Variants in ZFTA observed in about 807,000 individuals in gnomAD.
The protein encoded by ZFTA is zinc finger translocation associated.
Under a neutral mutation model 41.8 loss-of-function variants are expected in ZFTA, and 35 were observed. That is an observed-to-expected ratio of 0.84 (90% confidence interval 0.64 to 1.11). The LOEUF (loss-of-function observed/expected upper bound fraction) is 1.11. ZFTA is among the 50% of genes most tolerant of loss of function. ZFTA has a pLI of 0.00. For missense variants in ZFTA, 964 were observed against 989.8 expected (o/e 0.97, Z 0.35); for synonymous variants, 514 against 436.4 (o/e 1.18, Z -2.22).
chr11:63,768,677 G>A lies in ZFTA; in HGVS notation c.-55C>T. Reference sequence around the variant, plus strand: ...CGGCGGGGCGCGGGGCCGCGGGGCCGGCGGCAGCCCGCGCGGAGCGCTCGC... The same window carrying A: ...CGGCGGGGCGCGGGGCCGCGGGGCCAGCGGCAGCCCGCGCGGAGCGCTCGC... On this transcript the variant is annotated 5_prime_UTR_variant, in exon 1 of 5. Transcript: ENST00000433688. 8.0e-6 allele frequency: 7 copies of A among 875,106 alleles called. No individual in the cohort carries two copies. Among genetic ancestry groups the A allele is most frequent in the Non-Finnish European group, 9.5e-6 (7 of 733,486 alleles). The allele number at this position is 875,106 out of a possible 1,614,324, so 54.2% of individuals were successfully genotyped here.
chr11:63,762,708 G>C lies in ZFTA; in HGVS notation c.*710C>G, dbSNP rs1239748818. 6.6e-6 allele frequency: 1 copy of C among 152,396 alleles called. No homozygotes were observed. The highest frequency in any genetic ancestry group is 1.5e-5 in the Non-Finnish European group (1 of 68,182). The allele number at this position is 152,396 out of a possible 1,614,324, so 9.4% of individuals were successfully genotyped here. A position where few individuals can be genotyped will look rare whatever the true frequency, so the allele number is the denominator to read the frequency against. On this transcript the variant is annotated 3_prime_UTR_variant, in exon 5 of 5. Coordinates refer to ENST00000433688, the MANE Select transcript of ZFTA (RefSeq NM_001144936.2). The stretch of plus-strand genomic sequence containing the variant: ...AGGGCGTGGCAGCGGCCTGGGAGGA[G>C]AGTGGGGCCGCCGGGCGCACGGTTC...
In ZFTA at chr11:63,763,737, C is replaced by CGGGGCGGGGGCGGAGGCGGGGGAG. The variant is rs1554965282; in HGVS notation, c.1694_1717dup (p.Pro565_Pro572dup). 24 of 1,503,504 alleles carry CGGGGCGGGGGCGGAGGCGGGGGAG rather than the reference C, an allele frequency of 1.6e-5. No individual in the cohort carries two copies. The South Asian group carries it at 2.9e-4, about 18-fold the overall frequency. The allele number at this position is 1,503,504 out of a possible 1,614,324, so 93.1% of individuals were successfully genotyped here. On this transcript the variant is annotated inframe_insertion, in exon 5 of 5. Coordinates refer to ENST00000433688, the MANE Select transcript of ZFTA (RefSeq NM_001144936.2). ...GTAGTTCCGCCGCTGCTCCCGGCTG[C>CGGGGCGGGGGCGGAGGCGGGGGAG]GGGGCGGGGGCGGAGGCGGGGGAGG...
Position 63,763,380 on chromosome 11 carries a change from C to A in ZFTA, c.*38G>T. On this transcript the variant is annotated 3_prime_UTR_variant, in exon 5 of 5. Transcript: ENST00000433688. ...AGCACAGGGCGGGGCGGGGCCGATC[C>A]GACCCGACCCGACCTGACCCGGGGG... 8.2e-7 allele frequency: 1 copy of A among 1,218,968 alleles called. No individual in the cohort carries two copies. Among genetic ancestry groups the A allele is most frequent in the Non-Finnish European group, 1.0e-6 (1 of 974,144 alleles). The allele number at this position is 1,218,968 out of a possible 1,614,324, so 75.5% of individuals were successfully genotyped here.
chr11:63,763,296 C>T lies in ZFTA; in HGVS notation c.*122G>A, dbSNP rs1023185425. The T allele has an allele frequency of 7.2e-6, 5 of 692,348 alleles. No homozygotes were observed. The highest frequency in any genetic ancestry group is 6.8e-5 in the South Asian group (1 of 14,694). 42.9% of individuals were successfully genotyped at this position (692,348 alleles called of 1,614,324 possible). On this transcript the variant is annotated 3_prime_UTR_variant, in exon 5 of 5. Transcript: ENST00000433688. ...TCCGCCCGGCCCGGCCAGCGGGGGG[C>T]GCGGCCGCGGGAAGCGCTAACACCG...
chr11:63,761,300 C>CG lies in ZFTA; in HGVS notation c.*2117_*2118insC, dbSNP rs2014630066. ...GCCTCCACAACAAAAAGCACAAAGC[C>CG]CCCTGCCGAGGCAGCCTTGGGCCCT... On this transcript the variant is annotated 3_prime_UTR_variant, in exon 5 of 5. Coordinates refer to ENST00000433688, the MANE Select transcript of ZFTA (RefSeq NM_001144936.2). 6.6e-6 allele frequency: 1 copy of CG among 152,218 alleles called. No homozygotes were observed. Among genetic ancestry groups the CG allele is most frequent in the South Asian group, 2.1e-4 (1 of 4,834 alleles). The allele number at this position is 152,218 out of a possible 1,614,324, so 9.4% of individuals were successfully genotyped here.
Position 63,761,090 on chromosome 11 carries a change from T to C in ZFTA, c.*2328A>G, listed in dbSNP as rs576524802. 2 of 152,158 alleles carry C rather than the reference T, an allele frequency of 1.3e-5. No homozygotes were observed. The highest frequency in any genetic ancestry group is 2.9e-5 in the Non-Finnish European group (2 of 68,034). 9.4% of individuals were successfully genotyped at this position (152,158 alleles called of 1,614,324 possible). On this transcript the variant is annotated 3_prime_UTR_variant, in exon 5 of 5. Coordinates refer to ENST00000433688, the MANE Select transcript of ZFTA (RefSeq NM_001144936.2). ...GGCAGAGTAAAAAAAGTGGTGTTAATACTCTGGATCCGAAAAAATGCATGA... is the reference window on the plus strand; with the variant it reads ...GGCAGAGTAAAAAAAGTGGTGTTAACACTCTGGATCCGAAAAAATGCATGA...
At position 63,763,712 on chromosome 11, in the gene ZFTA, G is replaced by C; in HGVS notation, c.1743C>G (p.Tyr581Ter). 1 of 1,519,102 alleles carries C rather than the reference G, an allele frequency of 6.6e-7. No homozygotes were observed. Among genetic ancestry groups the C allele is most frequent in the Non-Finnish European group, 8.9e-7 (1 of 1,129,200 alleles). The allele number at this position is 1,519,102 out of a possible 1,614,324, so 94.1% of individuals were successfully genotyped here. The change falls in exon 5 of 5, where the codon TAC (tyrosine) becomes TAG (stop). Residue 581 changes from tyrosine (Y) to a stop codon, truncating the protein, a stop_gained. Coordinates refer to ENST00000433688, the MANE Select transcript of ZFTA (RefSeq NM_001144936.2). LOFTEE classifies it low-confidence loss of function (END_TRUNC). ...PPRSREQRRN[Y>*]QPRWRGEYLM... ...GGTACTCGCCCCGCCACCGCGGCTG[G>C]TAGTTCCGCCGCTGCTCCCGGCTGC...
chr11:63,766,251 G>T lies in ZFTA; in HGVS notation c.193C>A (p.Leu65Met), dbSNP rs1351965293. Reference sequence around the variant, plus strand: ...GGTCCCCTGGCCCTGGAGGAGGGCAGGGGGGCACTCCCCCAGGACCCCAAG... The same window carrying T: ...GGTCCCCTGGCCCTGGAGGAGGGCATGGGGGCACTCCCCCAGGACCCCAAG... ...GALGSWGSAPLPSSRARGPAS... is the reference protein window; with the variant it reads ...GALGSWGSAPMPSSRARGPAS... Residue 65 changes from leucine to methionine, a missense_variant, in exon 2 of 5, where the codon CTG (leucine) becomes ATG (methionine). Physicochemically the swap from Leu to Met is conservative, Grantham distance 15 (BLOSUM62 2). Coordinates refer to ENST00000433688, the MANE Select transcript of ZFTA (RefSeq NM_001144936.2). The T allele has an allele frequency of 5.3e-6, 8 of 1,520,734 alleles. No homozygotes were observed. In the Admixed American group the frequency reaches 8.7e-5, roughly 16 times the overall value. 94.2% of individuals were successfully genotyped at this position (1,520,734 alleles called of 1,614,324 possible). A position where few individuals can be genotyped will look rare whatever the true frequency, so the allele number is the denominator to read the frequency against.
intron 4 of ZFTA, 60 bp downstream of exon 4, chr11:63,763,978 C>T (rs959094290): frequency 9.2e-6 from 12 of 1,307,362 alleles, no homozygotes; most frequent in Non-Finnish European, 1.2e-5. Context: ...TCCTCCAGTC[C>T]CTTCTGCCCC....
chr11:63,768,451 G>GCCCCCGCCCGGGCCGCCGGCC, intron 1 of ZFTA, 33 bp downstream of exon 1: 1 of 1,097,452 alleles, frequency 9.1e-7, no homozygotes, highest in Non-Finnish European at 1.1e-6. Context: ...CCACGCCGGG[G>GCCCCCGCCCGGGCCGCCGGCC]CCCCCGCCCG....
At chr11:63,768,451 G>T (rs1590912298) in intron 1 of ZFTA, 33 bp downstream of exon 1, 3 of 1,097,348 alleles carry the variant, frequency 2.7e-6, no homozygotes, top group South Asian at 2.7e-5. Context: ...CCACGCCGGG[G>T]CCCCCGCCCG....
chr11:63,768,420 G>C, intron 1 of ZFTA, 64 bp downstream of exon 1: 1 of 1,011,404 alleles, frequency 9.9e-7, no homozygotes, highest in Non-Finnish European at 1.2e-6. Context: ...GAGGGGCCCC[G>C]AGCCGCAGCC....
Position 63,764,432 on chromosome 11 carries a change from G to C in ZFTA, c.1191C>G (p.Gly397=). Residue 397 remains glycine, a synonymous_variant, in exon 4 of 5, where the codon GGC becomes GGG. Transcript: ENST00000433688. ...CCGGGACCCCCGCCCTCTCGCCCTC[G>C]CCCTCCTCCAGCTCCTCCTCCTCCT... ...PAEEEEELEE[G]EGERAGVPGR... is the part of the protein sequence containing the mutation. The C allele has an allele frequency of 7.9e-7, 1 of 1,264,618 alleles. No homozygotes were observed. Among genetic ancestry groups the C allele is most frequent in the Non-Finnish European group, 9.9e-7 (1 of 1,005,274 alleles). The allele number at this position is 1,264,618 out of a possible 1,614,324, so 78.3% of individuals were successfully genotyped here.
chr11:63,765,093 A>G lies in ZFTA; in HGVS notation c.799T>C (p.Trp267Arg). 1.9e-6 allele frequency: 3 copies of G among 1,548,710 alleles called. No homozygotes were observed. Among genetic ancestry groups the G allele is most frequent in the Non-Finnish European group, 1.7e-6 (2 of 1,146,406 alleles). The part of the protein sequence containing the change: ...ERRLKESLQN[W>R]FRAECLMDYD... ...TCCATGAGACACTCGGCCCGGAACC[A>G]GTTCTGCAGGGACTCCTTCAGCCTC... The change falls in exon 3 of 5, where the codon TGG (tryptophan) becomes CGG (arginine). Residue 267 changes from tryptophan to arginine, a missense_variant. Trp to Arg is a moderately radical substitution (Grantham distance 101, BLOSUM62 -3). This residue lies in a region of ZFTA where 584 missense variants were observed against 523.1 expected (regional missense o/e 1.12). Transcript: ENST00000433688. The surrounding 1 kb of genome is among the most constrained non-coding windows in gnomAD (Gnocchi z 4.0).
chr11:63,768,172 G>T (rs1228574520), intron 1 of ZFTA, among the ~76,000 whole-genome samples: 1 of 151,966 alleles, frequency 6.6e-6, no homozygotes, highest in South Asian at 2.1e-4. Flanking sequence ...GGGGGCCAAA[G>T]TCCAGCCTCG....
intron 1 of ZFTA, among the ~76,000 whole-genome samples, chr11:63,767,099 C>T (rs367555014): frequency 2.6e-5 from 4 of 152,194 alleles, no homozygotes; most frequent in East Asian, 1.9e-4. Flanking sequence ...GGCAGGGAGC[C>T]GGCCACTGCC....
Position 63,763,381 on chromosome 11 carries a change from G to A in ZFTA, c.*37C>T. On this transcript the variant is annotated 3_prime_UTR_variant, in exon 5 of 5. Transcript: ENST00000433688. ...GCACAGGGCGGGGCGGGGCCGATCCGACCCGACCCGACCTGACCCGGGGGC... is the reference window on the plus strand; with the variant it reads ...GCACAGGGCGGGGCGGGGCCGATCCAACCCGACCCGACCTGACCCGGGGGC... 4 of 1,231,928 alleles carry A rather than the reference G, an allele frequency of 3.2e-6. No individual in the cohort carries two copies. The highest frequency in any genetic ancestry group is 4.1e-6 in the Non-Finnish European group (4 of 981,962). 76.3% of individuals were successfully genotyped at this position (1,231,928 alleles called of 1,614,324 possible). A position where few individuals can be genotyped will look rare whatever the true frequency, so the allele number is the denominator to read the frequency against.
chr11:63,768,289 G>A (rs1453048078), intron 1 of ZFTA, among the ~76,000 whole-genome samples, 195 bp downstream of exon 1: 1 of 149,472 alleles, frequency 6.7e-6, no homozygotes, highest in Admixed American at 6.6e-5. Context: ...CCCGAGCCCC[G>A]CGAGCCGACC....
In ZFTA at chr11:63,762,669, A is replaced by G. The variant is rs989875938; in HGVS notation, c.*749T>C. Reference sequence around the variant, plus strand: ...AGGAAAAAAGTGCTAATCCCTTTACAAGAGCTTTCCTGGAGGGCGTGGCAG... The same window carrying G: ...AGGAAAAAAGTGCTAATCCCTTTACGAGAGCTTTCCTGGAGGGCGTGGCAG... On this transcript the variant is annotated 3_prime_UTR_variant, in exon 5 of 5. Transcript: ENST00000433688. 6.6e-6 allele frequency: 1 copy of G among 152,350 alleles called. No individual in the cohort carries two copies. The highest frequency in any genetic ancestry group is 1.9e-4 in the East Asian group (1 of 5,200). 9.4% of individuals were successfully genotyped at this position (152,350 alleles called of 1,614,324 possible).
Sources: allele counts gnomAD v4.1 joint callset (sites outside exome capture counted in the v4.1 genomes callset), GRCh38; gene constraint gnomAD v4.1.1; regional missense constraint gnomAD v4.1.1; non-coding constraint Gnocchi (gnomAD v3.1); transcripts MANE v1.5; gene names NCBI Gene and HGNC (gene_info 2026-07-23, HGNC 2026-07-21).